Variants in GRXCR2 observed in about 807,000 individuals in gnomAD.
GRXCR2 encodes the protein glutaredoxin domain-containing cysteine-rich protein 2.
A neutral mutation model predicts 24.8 loss-of-function variants in GRXCR2; 23 were observed. The ratio of observed to expected loss-of-function variants is 0.93; its 90% CI spans 0.67 to 1.32. The LOEUF (loss-of-function observed/expected upper bound fraction) is 1.32. Ranked by LOEUF, GRXCR2 falls within the 40% of genes most tolerant of loss-of-function variation. The pLI is 0.00. For missense variants in GRXCR2, 315 were observed against 303.4 expected (o/e 1.04, Z -0.28); for synonymous variants, 130 against 116.1 (o/e 1.12, Z -0.77).
chr5:145,880,638 A>G (rs950782996), intron 2 of GRXCR2, among the ~76,000 whole-genome samples: 10 of 152,204 alleles, frequency 6.6e-5, no homozygotes, highest in Admixed American at 2.0e-4. Context: ...TTCTGAAACT[A>G]TTCCAATGAA....
upstream of GRXCR2, among the ~76,000 whole-genome samples, chr5:145,875,884 C>T (rs1457030344): frequency 6.6e-6 from 1 of 152,070 alleles, no homozygotes; most frequent in Non-Finnish European, 1.5e-5. Flanking sequence ...CAATATCAAG[C>T]TGGGCATGGT....
upstream of GRXCR2, among the ~76,000 whole-genome samples, chr5:145,877,071 A>T (rs1756629515): frequency 6.6e-6 from 1 of 152,106 alleles, no homozygotes; most frequent in Non-Finnish European, 1.5e-5. Context: ...GATAAGCAAG[A>T]ATAAAATAAA....
intron 2 of GRXCR2, among the ~76,000 whole-genome samples, chr5:145,887,889 T>C (rs1255045250): frequency 6.6e-6 from 1 of 152,232 alleles, no homozygotes; most frequent in African/African-American, 2.4e-5. Flanking sequence ...GAGTGCCTAT[T>C]TTACAATAAC....
intron 2 of GRXCR2, among the ~76,000 whole-genome samples, chr5:145,916,547 G>T (rs112757291): frequency 1.1e-3 from 165 of 152,298 alleles, no homozygotes; most frequent in African/African-American, 3.8e-3. Context: ...AGTCCTCCTT[G>T]TCACAGAGGG....
chr5:145,919,125 C>T (rs572046305), intron 2 of GRXCR2, among the ~76,000 whole-genome samples: 2 of 152,302 alleles, frequency 1.3e-5, no homozygotes, highest in East Asian at 1.9e-4. Context: ...CCTGTCTCCT[C>T]ATTTCTTCCC....
chr5:145,912,071 TGA>T (rs1459306323), intron 2 of GRXCR2, among the ~76,000 whole-genome samples: 1 of 152,200 alleles, frequency 6.6e-6, no homozygotes, highest in East Asian at 1.9e-4. Context: ...CACTCCATCC[TGA>T]GAGACAGAGT....
intron 2 of GRXCR2, among the ~76,000 whole-genome samples, chr5:145,921,825 C>G (rs1561692136): frequency 6.6e-6 from 1 of 152,132 alleles, no homozygotes; most frequent in East Asian, 1.9e-4. Flanking sequence ...AAGTACAAAA[C>G]TTAAATCCAT....
At chr5:145,858,300 C>T (rs903459731), downstream of GRXCR2, among the ~76,000 whole-genome samples, 10 of 135,648 alleles carry the variant, frequency 7.4e-5, no homozygotes, top group African/African-American at 1.1e-4. Context: ...AGCAACAGAG[C>T]GGACTCTGTC....
intron 2 of GRXCR2, among the ~76,000 whole-genome samples, chr5:145,913,232 C>T (rs1183993819): frequency 3.3e-5 from 5 of 152,138 alleles, no homozygotes; most frequent in African/African-American, 1.2e-4. Flanking sequence ...TACTAATGTC[C>T]TTTTTTGGTT....
chr5:145,878,271 C>A (rs546601880), intron 2 of GRXCR2, among the ~76,000 whole-genome samples: 1 of 152,164 alleles, frequency 6.6e-6, no homozygotes, highest in South Asian at 2.1e-4. Context: ...CATGCTCAAA[C>A]CCATTGCAAG....
chr5:145,924,888 T>C (rs762090309), intron 2 of GRXCR2, among the ~76,000 whole-genome samples: 2 of 152,180 alleles, frequency 1.3e-5, no homozygotes, highest in Non-Finnish European at 2.9e-5. Context: ...AGCCATTCTG[T>C]GAGTTGACAG....
chr5:145,874,208 TA>T (rs200467340), upstream of GRXCR2, among the ~76,000 whole-genome samples: 12 of 140,314 alleles, frequency 8.6e-5, no homozygotes, highest in Admixed American at 3.4e-4. Context: ...TATTTTATTT[TA>T]TTTTTTTTTT....
intron 2 of GRXCR2, among the ~76,000 whole-genome samples, chr5:145,878,766 T>A (rs540481624): frequency 1.3e-5 from 2 of 151,600 alleles, no homozygotes; most frequent in Non-Finnish European, 2.9e-5. Flanking sequence ...AAGGCAGAAA[T>A]GAAGGAAAGA....
At chr5:145,888,348 T>G (rs1756804304) in intron 2 of GRXCR2, among the ~76,000 whole-genome samples, 1 of 152,116 alleles carries the variant, frequency 6.6e-6, no homozygotes, top group Non-Finnish European at 1.5e-5. Flanking sequence ...CCAAACAATG[T>G]AAGCCTTCTC....
chr5:145,928,387 G>A (rs1290602591), intron 2 of GRXCR2, among the ~76,000 whole-genome samples: 3 of 152,066 alleles, frequency 2.0e-5, no homozygotes, highest in Non-Finnish European at 4.4e-5. Flanking sequence ...ATTTGACCCA[G>A]CAATCCCATT....
At chr5:145,907,218 T>A (rs1374212739) in intron 2 of GRXCR2, among the ~76,000 whole-genome samples, 1 of 152,038 alleles carries the variant, frequency 6.6e-6, no homozygotes, top group Non-Finnish European at 1.5e-5. Flanking sequence ...GAGGGGCATG[T>A]ACTGATGCAG....
chr5:145,893,506 T>C (rs1049781544), intron 2 of GRXCR2, among the ~76,000 whole-genome samples: 5 of 152,110 alleles, frequency 3.3e-5, no homozygotes, highest in Non-Finnish European at 7.4e-5. Flanking sequence ...AAACAGACTT[T>C]AAACCAACAA....
intron 2 of GRXCR2, among the ~76,000 whole-genome samples, chr5:145,916,338 T>A (rs1325150141): frequency 6.6e-6 from 1 of 152,168 alleles, no homozygotes; most frequent in Non-Finnish European, 1.5e-5. Flanking sequence ...GAACCAGAGC[T>A]TTTAGAACAA....
intron 2 of GRXCR2, among the ~76,000 whole-genome samples, chr5:145,889,833 A>C (rs1756838154): frequency 6.6e-6 from 1 of 152,238 alleles, no homozygotes; most frequent in African/African-American, 2.4e-5. Context: ...CTTCCAAAGC[A>C]GTCCAGAAAA....
Sources: gnomAD v4.1 joint callset for allele counts (sites outside exome capture counted in the v4.1 genomes callset) on GRCh38, gnomAD v4.1.1 for gene constraint, MANE v1.5 for transcripts, NCBI Gene and HGNC (gene_info 2026-07-23, HGNC 2026-07-21) for gene names.